Variants in CDK15 observed in about 807,000 individuals in gnomAD.
CDK15 encodes the protein cyclin dependent kinase 15.
Under a neutral mutation model 60.3 loss-of-function variants are expected in CDK15, and 62 were observed. That is an observed-to-expected ratio of 1.03 (90% CI 0.84 to 1.27). The LOEUF (loss-of-function observed/expected upper bound fraction) is 1.27. Ranked by LOEUF, CDK15 falls within the 50% of genes most tolerant of loss-of-function variation. CDK15 has a pLI of 0.00. For missense variants in CDK15, 541 were observed against 527.8 expected, an observed-to-expected ratio of 1.03 and a Z score of -0.25; for synonymous variants, 194 against 195.7, an observed-to-expected ratio of 0.99 and a Z score of 0.07.
intron 10 of CDK15, among the ~76,000 whole-genome samples, chr2:201,862,279 A>G (rs1698434322): frequency 1.3e-5 from 2 of 152,216 alleles, no homozygotes; most frequent in Admixed American, 6.5e-5. Context: ...CACAGACAAC[A>G]TTAGTGTTAC....
intron 6 of CDK15, among the ~76,000 whole-genome samples, chr2:201,823,970 C>T (rs1470986025): frequency 4.6e-5 from 7 of 152,098 alleles, no homozygotes; most frequent in Non-Finnish European, 1.0e-4. Context: ...CAACCTAATG[C>T]TGTCAGTCAT....
intron 11 of CDK15, among the ~76,000 whole-genome samples, chr2:201,875,710 G>GTA (rs371256521): frequency 7.2e-5 from 11 of 152,160 alleles, no homozygotes; most frequent in African/African-American, 2.4e-4. Context: ...ATAAGAGCAT[G>GTA]TATAGTATGA....
chr2:201,847,658 C>T (rs1697729307), intron 9 of CDK15, among the ~76,000 whole-genome samples, 184 bp downstream of exon 9: 2 of 152,102 alleles, frequency 1.3e-5, no homozygotes, highest in African/African-American at 4.8e-5. Context: ...CAGGAAACTC[C>T]CTGTTGCCCC....
intron 11 of CDK15, among the ~76,000 whole-genome samples, chr2:201,879,047 C>T (rs1179109963): frequency 2.0e-5 from 3 of 152,228 alleles, no homozygotes; most frequent in Admixed American, 6.5e-5. Context: ...CAGTCTTGTC[C>T]TGTGTCTCCC....
chr2:201,862,180 T>C (rs966944558), intron 10 of CDK15, among the ~76,000 whole-genome samples: 14 of 152,240 alleles, frequency 9.2e-5, no homozygotes, highest in African/African-American at 3.4e-4. Flanking sequence ...GTAATATGTC[T>C]GCCCACTCTG....
intron 6 of CDK15, among the ~76,000 whole-genome samples, chr2:201,831,239 G>A (rs917082329): frequency 1.3e-5 from 2 of 152,148 alleles, no homozygotes; most frequent in African/African-American, 4.8e-5. Flanking sequence ...GGGATGGAAG[G>A]ACTCAGGCTT....
chr2:201,859,639 C>T (rs951119820), intron 10 of CDK15, among the ~76,000 whole-genome samples: 1 of 152,100 alleles, frequency 6.6e-6, no homozygotes, highest in Non-Finnish European at 1.5e-5. Flanking sequence ...GGAGCCCAGT[C>T]GAGAGTTCTC....
At chr2:201,838,498 G>A (rs528765194) in intron 8 of CDK15, among the ~76,000 whole-genome samples, 1 of 152,008 alleles carries the variant, frequency 6.6e-6, no homozygotes, top group South Asian at 2.1e-4. Flanking sequence ...TCCAACTCCT[G>A]GGTTTAAGTG....
chr2:201,876,066 A>G (rs1699067144), intron 11 of CDK15, among the ~76,000 whole-genome samples: 1 of 152,242 alleles, frequency 6.6e-6, no homozygotes, highest in African/African-American at 2.4e-5. Flanking sequence ...ACCTAAGAGT[A>G]TGAATTCACA....
rs989098604 is a variant in CDK15 at position 201,894,773 on chromosome 2, A to G, written c.*1506A>G. ...TGGTTCTCCAATGTTCCTGACACCT[A>G]TCGAATTTAGAGAATACACAACTCT... On this transcript the variant is annotated 3_prime_UTR_variant, in exon 14 of 14. Coordinates refer to ENST00000652192, the MANE Select transcript of CDK15 (RefSeq NM_001366386.2). 1.3e-5 allele frequency: 2 copies of G among 152,166 alleles called. No individual in the cohort carries two copies. Among genetic ancestry groups the G allele is most frequent in the African/African-American group, 2.4e-5 (1 of 41,450 alleles). 9.4% of individuals were successfully genotyped at this position (152,166 alleles called of 1,614,324 possible). A position where few individuals can be genotyped will look rare whatever the true frequency, so the allele number is the denominator to read the frequency against.
At chr2:201,857,355 G>A (rs1195760502) in intron 10 of CDK15, among the ~76,000 whole-genome samples, 5 of 151,722 alleles carry the variant, frequency 3.3e-5, no homozygotes, top group African/African-American at 9.7e-5. Context: ...AAGTCTCCAG[G>A]CCCAACATCC....
chr2:201,822,421 G>A (rs1696268859), intron 4 of CDK15, among the ~76,000 whole-genome samples: 1 of 152,206 alleles, frequency 6.6e-6, no homozygotes, highest in Non-Finnish European at 1.5e-5. Context: ...TGCTCTAGAA[G>A]GCAGAACACT....
chr2:201,839,672 A>AGACG (rs1697284600), intron 8 of CDK15, among the ~76,000 whole-genome samples: 1 of 142,920 alleles, frequency 7.0e-6, no homozygotes, highest in Non-Finnish European at 1.5e-5. Flanking sequence ...ATAGACAGAC[A>AGACG]GACAGACAGA....
rs1699703020 is a variant in CDK15 at position 201,893,700 on chromosome 2, A to G, written c.*433A>G. On this transcript the variant is annotated 3_prime_UTR_variant, in exon 14 of 14. Coordinates refer to ENST00000652192, the MANE Select transcript of CDK15 (RefSeq NM_001366386.2). ...AGACCTGCCACTCCTGTGTTCACTTACAATTTCTCCCAACAAAAGGATTTC... is the reference window on the plus strand; with the variant it reads ...AGACCTGCCACTCCTGTGTTCACTTGCAATTTCTCCCAACAAAAGGATTTC... The G allele has an allele frequency of 6.6e-6, 1 of 152,214 alleles. No individual in the cohort carries two copies. The highest frequency in any genetic ancestry group is 1.5e-5 in the Non-Finnish European group (1 of 68,042). 9.4% of individuals were successfully genotyped at this position (152,214 alleles called of 1,614,324 possible). A position where few individuals can be genotyped will look rare whatever the true frequency, so the allele number is the denominator to read the frequency against.
chr2:201,886,026 T>C (rs963041233), intron 12 of CDK15, among the ~76,000 whole-genome samples: 1 of 152,220 alleles, frequency 6.6e-6, no homozygotes. Context: ...TTCATTGTTC[T>C]TGCTAAAGAT....
At chr2:201,833,716 CTTT>C (rs768867701) in intron 6 of CDK15, 129 bp from the exon 7 acceptor site, 461 of 170,236 alleles carry the variant, frequency 2.7e-3, no homozygotes, top group Non-Finnish European at 3.2e-3. Context: ...TCTTCTTCTT[CTTT>C]TTTTTTTTTT....
intron 3 of CDK15, among the ~76,000 whole-genome samples, chr2:201,811,984 C>A (rs905110886): frequency 6.6e-6 from 1 of 151,828 alleles, no homozygotes; most frequent in African/African-American, 2.4e-5. Context: ...ACCAGCCTGG[C>A]CAAAATGGTG....
chr2:201,873,052 G>A (rs1698918481), intron 11 of CDK15, among the ~76,000 whole-genome samples: 1 of 152,166 alleles, frequency 6.6e-6, no homozygotes, highest in South Asian at 2.1e-4. Context: ...GGGAGAAGTG[G>A]AAGAGTTTCA....
chr2:201,886,327 A>ATT (rs55721501), intron 12 of CDK15, among the ~76,000 whole-genome samples: 6 of 141,544 alleles, frequency 4.2e-5, no homozygotes, highest in African/African-American at 1.3e-4. Context: ...GGGTTTTAAG[A>ATT]TTTTTTTTTT....
Sources: gnomAD v4.1 joint callset for allele counts (sites outside exome capture counted in the v4.1 genomes callset) on GRCh38, gnomAD v4.1.1 for gene constraint, MANE v1.5 for transcripts, NCBI Gene and HGNC (gene_info 2026-07-23, HGNC 2026-07-21) for gene names.